ZNF365: variants seen among roughly 807,000 people sequenced by gnomAD.
ZNF365 encodes zinc finger protein 365, also known as protein ZNF365.
In ZNF365, 22 loss-of-function variants were observed where a neutral mutation model predicts 35.0. The ratio of observed to expected loss-of-function variants is 0.63; its 90% CI spans 0.45 to 0.90. The LOEUF (loss-of-function observed/expected upper bound fraction) is 0.90. Ranked by LOEUF, ZNF365 falls within the 40% of genes least tolerant of loss-of-function variation. The pLI is 0.00. For synonymous variants in ZNF365, 188 were observed against 196.2 expected, an observed-to-expected ratio of 0.96 and a Z score of 0.35; for missense variants, 448 against 500.3, an observed-to-expected ratio of 0.90 and a Z score of 1.00.
At chr10:62,469,689 A>T (rs1404928671) in intron 4 of ZNF365, among the ~76,000 whole-genome samples, 1 of 152,174 alleles carries the variant, frequency 6.6e-6, no homozygotes. Flanking sequence ...TATTAATAAT[A>T]ATGGTGATGA....
chr10:62,460,765 A>G (rs998622811), intron 4 of ZNF365, among the ~76,000 whole-genome samples: 2 of 152,172 alleles, frequency 1.3e-5, no homozygotes, highest in African/African-American at 4.8e-5. Flanking sequence ...ACAATGTGGA[A>G]ATGTATGGGG....
intron 4 of ZNF365, chr10:62,479,779 G>C (rs999476099): frequency 7.2e-6 from 6 of 834,936 alleles, no homozygotes; most frequent in Non-Finnish European, 1.2e-5. Flanking sequence ...TGTTTGCCAG[G>C]ACCCATGGTT....
Position 62,388,505 on chromosome 10 carries a change from G to A in ZNF365, c.853G>A (p.Ala285Thr). ...IENLLQRVEL[A>T]EKQLEYYQSQ... ...GAATCTGTTACAGCGGGTAGAACTG[G>A]CGGAGAAGCAGCTTGAGTACTATCA... is the stretch of plus-strand genomic sequence containing the variant. Residue 285 changes from alanine to threonine, a missense_variant, in exon 3 of 5, where the codon GCG (alanine) becomes ACG (threonine). Physicochemically the swap from Ala to Thr is moderately conservative, Grantham distance 58 (BLOSUM62 0). This residue lies in a region of ZNF365 where 362 missense variants were observed against 375.7 expected (regional missense o/e 0.96). Transcript: ENST00000395254. 1 of 1,614,196 alleles carries A rather than the reference G, an allele frequency of 6.2e-7. No homozygotes were observed. Among genetic ancestry groups the A allele is most frequent in the Non-Finnish European group, 8.5e-7 (1 of 1,180,038 alleles).
At chr10:62,389,946 T>A (rs1839598802) in intron 3 of ZNF365, among the ~76,000 whole-genome samples, 1 of 152,138 alleles carries the variant, frequency 6.6e-6, no homozygotes. Flanking sequence ...CACACTTTGA[T>A]CCCTCTCCAT....
At chr10:62,438,197 T>G (rs990179355) in intron 3 of ZNF365, among the ~76,000 whole-genome samples, 3 of 151,306 alleles carry the variant, frequency 2.0e-5, no homozygotes, top group Non-Finnish European at 4.4e-5. Context: ...GTTTTTGTTT[T>G]TTTTTTTTTG....
intron 4 of ZNF365, among the ~76,000 whole-genome samples, chr10:62,470,995 T>A: frequency 6.6e-6 from 1 of 152,190 alleles, no homozygotes; most frequent in Admixed American, 6.5e-5. Context: ...CATGCATTTT[T>A]TTTTTTTACT....
At chr10:62,415,967 T>C (rs1840066804) in intron 3 of ZNF365, among the ~76,000 whole-genome samples, 1 of 152,176 alleles carries the variant, frequency 6.6e-6, no homozygotes, top group East Asian at 1.9e-4. Context: ...AGAGTTAATC[T>C]ATATTTTATT....
intron 3 of ZNF365, among the ~76,000 whole-genome samples, chr10:62,394,733 G>A (rs1564572245): frequency 6.6e-6 from 1 of 152,184 alleles, no homozygotes; most frequent in Non-Finnish European, 1.5e-5. Flanking sequence ...GGAAGGGGAA[G>A]GAAATTTTTC....
intron 4 of ZNF365, among the ~76,000 whole-genome samples, chr10:62,467,168 T>G (rs921625730): frequency 6.6e-6 from 1 of 152,266 alleles, no homozygotes; most frequent in African/African-American, 2.4e-5. Context: ...TTAATTTTTT[T>G]AAAATCCAAA....
chr10:62,415,704 G>A (rs10821997), intron 3 of ZNF365, among the ~76,000 whole-genome samples: 95,785 of 151,960 alleles, frequency 0.63, 30,875 homozygotes, highest in East Asian at 0.84. Context: ...GAAATTGGCA[G>A]AGGTCTTGAA....
intron 3 of ZNF365, among the ~76,000 whole-genome samples, chr10:62,434,144 G>A (rs1165129306): frequency 6.6e-6 from 1 of 152,180 alleles, no homozygotes. Context: ...GGTGAGGCCT[G>A]AGAATTGATA....
At chr10:62,416,049 G>A (rs1443647255) in intron 3 of ZNF365, among the ~76,000 whole-genome samples, 1 of 152,116 alleles carries the variant, frequency 6.6e-6, no homozygotes, top group African/African-American at 2.4e-5. Context: ...AGAACTGGAT[G>A]TTCCTATCTT....
chr10:62,450,359 T>C (rs1024293798), intron 3 of ZNF365, among the ~76,000 whole-genome samples: 5 of 152,198 alleles, frequency 3.3e-5, no homozygotes, highest in African/African-American at 9.7e-5. Context: ...AATTTAAAGA[T>C]AAGAAGCCTG....
At chr10:62,375,011 G>A (rs1325257238) in intron 1 of ZNF365, among the ~76,000 whole-genome samples, 1 of 152,192 alleles carries the variant, frequency 6.6e-6, no homozygotes, top group Non-Finnish European at 1.5e-5. Context: ...TAGAAGCCTT[G>A]CCTGCCTCGC....
At chr10:62,387,829 A>G (rs755484719) in intron 2 of ZNF365, among the ~76,000 whole-genome samples, 2 of 152,242 alleles carry the variant, frequency 1.3e-5, no homozygotes, top group African/African-American at 2.4e-5. Context: ...TTCTCTCCCA[A>G]TCGCCAGACT....
chr10:62,476,577 C>T (rs1314465947), intron 4 of ZNF365, among the ~76,000 whole-genome samples: 1 of 152,168 alleles, frequency 6.6e-6, no homozygotes, highest in Non-Finnish European at 1.5e-5. Flanking sequence ...TGTTCTGCCA[C>T]CTGATGCCAA....
chr10:62,400,346 C>G lies in ZNF365; in HGVS notation c.*557C>G. The G allele has an allele frequency of 1.0e-6, 1 of 986,512 alleles. No homozygotes were observed. 61.1% of individuals were successfully genotyped at this position (986,512 alleles called of 1,614,324 possible). A position where few individuals can be genotyped will look rare whatever the true frequency, so the allele number is the denominator to read the frequency against. On this transcript the variant is annotated 3_prime_UTR_variant, in exon 5 of 5. Coordinates refer to ENST00000395254, the MANE Select transcript of ZNF365 (RefSeq NM_014951.3). ...AATCAAGATTTCAATTTCTGGGTTG[C>G]TCAAGGGACTCGTTCAGTCAGACTT...
intron 3 of ZNF365, among the ~76,000 whole-genome samples, chr10:62,421,020 C>G (rs1271658558): frequency 6.6e-6 from 1 of 150,878 alleles, no homozygotes; most frequent in Non-Finnish European, 1.5e-5. Context: ...CCATTTTGTA[C>G]CAGAAGAAGT....
At chr10:62,467,602 A>G (rs1279791319) in intron 4 of ZNF365, among the ~76,000 whole-genome samples, 1 of 152,218 alleles carries the variant, frequency 6.6e-6, no homozygotes. Flanking sequence ...CGTACTACAC[A>G]TATGGGTTGA....
Sources: gnomAD v4.1 joint callset for allele counts (sites outside exome capture counted in the v4.1 genomes callset) on GRCh38, gnomAD v4.1.1 for gene constraint, gnomAD v4.1.1 regional missense constraint, MANE v1.5 for transcripts, NCBI Gene and HGNC (gene_info 2026-07-23, HGNC 2026-07-21) for gene names.